COL24A1: variants seen among roughly 807,000 people sequenced by gnomAD.
COL24A1 encodes collagen type XXIV alpha 1 chain, also known as collagen alpha-1(XXIV) chain.
COL24A1 carries 224 observed loss-of-function variants against 253.9 expected under a neutral mutation model. The ratio of observed to expected loss-of-function variants is 0.88; its 90% CI spans 0.79 to 0.99. COL24A1 has a LOEUF of 0.99. COL24A1 is among the 50% of genes least tolerant of loss of function. The pLI, the probability that COL24A1 is intolerant of heterozygous loss-of-function variation, is 0.00. For synonymous variants in COL24A1, 685 were observed against 673.7 expected, an observed-to-expected ratio of 1.02 and a Z score of -0.26; for missense variants, 2,131 against 2,068.5, an observed-to-expected ratio of 1.03 and a Z score of -0.59.
chr1:86,153,239 C>A (rs946526337), intron 1 of COL24A1, among the ~76,000 whole-genome samples: 3 of 128,370 alleles, frequency 2.3e-5, no homozygotes, highest in Non-Finnish European at 4.8e-5. Context: ...CTGCTAGGTG[C>A]CCCTCATGTA....
rs189646315 is a variant in COL24A1, at chr1:86,063,770, A to G, written c.1708-11T>C. On this transcript the variant is annotated splice_polypyrimidine_tract_variant and intron_variant, in intron 7 of 59. Coordinates refer to ENST00000370571, the MANE Select transcript of COL24A1 (RefSeq NM_152890.7). ...ATGTCCTTTGAGACCCTGTAAAAGA[A>G]TAAGTGGAGACATGCTATGAAAAGT... The G allele has an allele frequency of 1.7e-4, 260 of 1,526,288 alleles. 2 individuals are homozygous for G. The East Asian group carries it at 5.4e-3, about 32-fold the overall frequency. The allele number at this position is 1,526,288 out of a possible 1,614,324, so 94.5% of individuals were successfully genotyped here. A position where few individuals can be genotyped will look rare whatever the true frequency, so the allele number is the denominator to read the frequency against.
intron 3 of COL24A1, among the ~76,000 whole-genome samples, chr1:86,121,422 G>A (rs1647327476): frequency 6.6e-6 from 1 of 152,016 alleles, no homozygotes; most frequent in Non-Finnish European, 1.5e-5. Flanking sequence ...TTTACCAGAA[G>A]AGGAATTACT....
At chr1:85,923,643 C>T (rs1686813237) in intron 24 of COL24A1, among the ~76,000 whole-genome samples, 1 of 152,118 alleles carries the variant, frequency 6.6e-6, no homozygotes, top group East Asian at 1.9e-4. Context: ...ACACAACGTA[C>T]CGGAATCTCT....
chr1:86,005,296 A>G (rs1434183406), intron 19 of COL24A1, among the ~76,000 whole-genome samples: 1 of 152,194 alleles, frequency 6.6e-6, no homozygotes, highest in African/African-American at 2.4e-5. Context: ...CATCTTGTCA[A>G]GAAGACATTG....
At chr1:85,834,715 G>A (rs577295730) in intron 43 of COL24A1, among the ~76,000 whole-genome samples, 58 of 152,198 alleles carry the variant, frequency 3.8e-4, no homozygotes, top group African/African-American at 1.3e-3. Flanking sequence ...GGCTATTTAT[G>A]TTTCCATTTA....
At chr1:85,814,532 T>C (rs1336056890) in intron 47 of COL24A1, among the ~76,000 whole-genome samples, 4 of 152,188 alleles carry the variant, frequency 2.6e-5, no homozygotes, top group Admixed American at 6.5e-5. Context: ...CATTGCAATT[T>C]TCCTAAATAA....
intron 19 of COL24A1, among the ~76,000 whole-genome samples, chr1:86,014,825 C>T: frequency 6.6e-6 from 1 of 152,268 alleles, no homozygotes; most frequent in African/African-American, 2.4e-5. Context: ...CTCTGCTGCA[C>T]CATCCTTCTA....
chr1:85,901,576 A>G (rs911349969), intron 28 of COL24A1, among the ~76,000 whole-genome samples: 3 of 151,894 alleles, frequency 2.0e-5, no homozygotes, highest in African/African-American at 4.8e-5. Flanking sequence ...TTGGGAGGCC[A>G]AGGCGGGTGG....
chr1:85,783,489 C>T lies in COL24A1; in HGVS notation c.4284+7G>A, dbSNP rs367680698. ...ATTTCTGGTAGGCAGAATGACTTTA[C>T]ACTTACTCTGTGTCCAATAGGACCT... On this transcript the variant is annotated splice_region_variant and intron_variant, in intron 51 of 59. Coordinates refer to ENST00000370571, the MANE Select transcript of COL24A1 (RefSeq NM_152890.7). The T allele has an allele frequency of 1.2e-4, 196 of 1,612,616 alleles. 1 individual carries two copies. Among genetic ancestry groups the T allele is most frequent in the Middle Eastern group, 3.3e-4 (2 of 6,078 alleles).
At position 85,823,603 on chromosome 1, in the gene COL24A1, C is replaced by A; in HGVS notation, c.3736-14G>T. On this transcript the variant is annotated splice_polypyrimidine_tract_variant and intron_variant, in intron 44 of 59. Coordinates refer to ENST00000370571, the MANE Select transcript of COL24A1 (RefSeq NM_152890.7). ...ACCTGGTTCGCCCTTTAGTAGAAAC[C>A]AAAATAAAAATCACATATGAAGCAG... is the stretch of plus-strand genomic sequence containing the variant. The A allele has an allele frequency of 1.2e-6, 2 of 1,613,682 alleles. No homozygotes were observed. Among genetic ancestry groups the A allele is most frequent in the Non-Finnish European group, 1.7e-6 (2 of 1,179,852 alleles).
At chr1:85,899,220 T>C (rs2102827746) in intron 28 of COL24A1, among the ~76,000 whole-genome samples, 1 of 152,224 alleles carries the variant, frequency 6.6e-6, no homozygotes, top group Admixed American at 6.5e-5. Context: ...AATTTTTTTT[T>C]GAGTAACAAA....
intron 47 of COL24A1, among the ~76,000 whole-genome samples, chr1:85,815,072 G>C (rs1169554333): frequency 6.6e-6 from 1 of 152,102 alleles, no homozygotes; most frequent in East Asian, 1.9e-4. Flanking sequence ...CCACCTCCAT[G>C]ATTATACCTG....
At chr1:86,012,024 C>T (rs549491055) in intron 19 of COL24A1, among the ~76,000 whole-genome samples, 102 of 152,132 alleles carry the variant, frequency 6.7e-4, no homozygotes, top group African/African-American at 2.4e-3. Flanking sequence ...CACTATGTTG[C>T]TCCAGGCTGG....
chr1:86,008,089 T>TA (rs1428143661), intron 19 of COL24A1, among the ~76,000 whole-genome samples: 3 of 151,920 alleles, frequency 2.0e-5, no homozygotes, highest in Non-Finnish European at 2.9e-5. Flanking sequence ...GTTGAGACAA[T>TA]AAAAAATCCA....
At chr1:85,841,357 G>T in intron 41 of COL24A1, 79 bp from the exon 42 acceptor site, 1 of 994,652 alleles carries the variant, frequency 1.0e-6, no homozygotes. Context: ...CTATTTTTAA[G>T]TATATTAGAA....
intron 7 of COL24A1, among the ~76,000 whole-genome samples, chr1:86,068,888 C>T (rs898109269): frequency 6.6e-6 from 1 of 152,104 alleles, no homozygotes; most frequent in African/African-American, 2.4e-5. Flanking sequence ...AGGGAACTTC[C>T]TGCTTTGAAG....
intron 18 of COL24A1, among the ~76,000 whole-genome samples, chr1:86,020,221 C>T (rs546461885): frequency 3.1e-4 from 47 of 152,032 alleles, no homozygotes; most frequent in African/African-American, 1.0e-3. Flanking sequence ...GTGCCTGCCA[C>T]TATGCCTGGG....
chr1:86,007,000 C>T lies in COL24A1; in HGVS notation c.2310+10151G>A, dbSNP rs546373654. Among the ~76,000 whole-genome samples the T allele has an allele frequency of 2.2e-4, 33 of 151,998 alleles. 1 individual carries two copies. The highest frequency in any genetic ancestry group is 8.0e-4 in the African/African-American group (33 of 41,426). On this transcript the variant is annotated intron_variant, in intron 19 of 59. Coordinates refer to ENST00000370571, the MANE Select transcript of COL24A1 (RefSeq NM_152890.7). ...GCCAAGGTGTGATGATTGCTTCAGC[C>T]CAGGAGTTTGAGACCAGCCTGGGCA... is the stretch of plus-strand genomic sequence containing the variant.
intron 10 of COL24A1, among the ~76,000 whole-genome samples, chr1:86,056,564 AG>A (rs1700675628): frequency 6.6e-6 from 1 of 152,170 alleles, no homozygotes; most frequent in Non-Finnish European, 1.5e-5. Flanking sequence ...TCTTTTTAAA[AG>A]GCATGTTAGG....
Sources: allele counts gnomAD v4.1 joint callset (sites outside exome capture counted in the v4.1 genomes callset), GRCh38; gene constraint gnomAD v4.1.1; transcripts MANE v1.5; gene names NCBI Gene and HGNC (gene_info 2026-07-23, HGNC 2026-07-21).